The following KDM4C variants were observed in gnomAD, a reference collection of about 807,000 sequenced individuals.
KDM4C encodes the protein lysine demethylase 4C, also known as lysine-specific demethylase 4C.
In KDM4C, 81 loss-of-function variants were observed where a neutral mutation model predicts 129.3. The observed-to-expected ratio is 0.63, with a 90% confidence interval of 0.52 to 0.75. KDM4C has a LOEUF of 0.75. KDM4C is among the 30% of genes least tolerant of loss of function. KDM4C has a pLI of 0.00. For synonymous variants in KDM4C, 573 were observed against 456.1 expected (o/e 1.26, Z -3.26); for missense variants, 1,457 against 1,304.0 (o/e 1.12, Z -1.81).
In KDM4C at chr9:7,022,939, T is replaced by C. The variant is rs946093177; in HGVS notation, c.2259+7010T>C. Among the ~76,000 whole-genome samples the C allele has an allele frequency of 1.1e-4, 16 of 152,336 alleles. 1 individual carries two copies. Among genetic ancestry groups the C allele is most frequent in the Admixed American group, 9.8e-4 (15 of 15,302 alleles). On this transcript the variant is annotated intron_variant, in intron 15 of 21. Coordinates refer to ENST00000381309, the MANE Select transcript of KDM4C (RefSeq NM_015061.6). The stretch of plus-strand genomic sequence containing the variant: ...TTTGTTCTTCATTCTAATGATATGA[T>C]GTATCACATTGATTGATTTGCATAT...
chr9:6,752,174 A>T (rs1278907276), intron 1 of KDM4C, among the ~76,000 whole-genome samples: 1 of 150,486 alleles, frequency 6.6e-6, no homozygotes, highest in Non-Finnish European at 1.5e-5. Flanking sequence ...TCTACTAAAA[A>T]TACAAAAAAT....
At chr9:6,845,159 A>G (rs963005375) in intron 4 of KDM4C, among the ~76,000 whole-genome samples, 1 of 152,186 alleles carries the variant, frequency 6.6e-6, no homozygotes, top group Non-Finnish European at 1.5e-5. Context: ...GAGTGCAGTT[A>G]CTGTGGAGAG....
intron 8 of KDM4C, among the ~76,000 whole-genome samples, chr9:6,955,904 C>T (rs989567609): frequency 1.3e-5 from 2 of 152,162 alleles, no homozygotes; most frequent in Non-Finnish European, 2.9e-5. Context: ...TAAAAGAGCA[C>T]AATACAACCA....
At chr9:6,742,058 C>T (rs936115353) in intron 1 of KDM4C, among the ~76,000 whole-genome samples, 52 of 152,014 alleles carry the variant, frequency 3.4e-4, no homozygotes, top group Admixed American at 2.1e-3. Context: ...CTGCAACCTC[C>T]ACCTCCCGGG....
intron 8 of KDM4C, among the ~76,000 whole-genome samples, chr9:6,960,915 G>A (rs1829930501): frequency 6.6e-6 from 1 of 152,184 alleles, no homozygotes; most frequent in Non-Finnish European, 1.5e-5. Context: ...TCTAGTGTGG[G>A]AAACGGACAA....
At chr9:7,009,946 A>T (rs1822385568) in intron 12 of KDM4C, among the ~76,000 whole-genome samples, 1 of 152,236 alleles carries the variant, frequency 6.6e-6, no homozygotes, top group African/African-American at 2.4e-5. Flanking sequence ...ATTAAGAAAA[A>T]GATATGTCAT....
chr9:7,161,317 T>C (rs1843762228), intron 19 of KDM4C, among the ~76,000 whole-genome samples: 1 of 152,156 alleles, frequency 6.6e-6, no homozygotes. Flanking sequence ...CTGCTTCAGC[T>C]TGCCCTCTGT....
At position 6,749,835 on chromosome 9, in the gene KDM4C, A is replaced by C. The variant is rs182085650; in HGVS notation, c.49+28838A>C. On this transcript the variant is annotated intron_variant, in intron 1 of 17. Coordinates refer to the KDM4C transcript ENST00000536108. Reference sequence around the variant, plus strand: ...AACCCTGTCTGTACTGAAAATACAAAATTAGCCGGGTGTGGTGGTGCATGC... The same window carrying C: ...AACCCTGTCTGTACTGAAAATACAACATTAGCCGGGTGTGGTGGTGCATGC... Among the ~76,000 whole-genome samples the C allele has an allele frequency of 1.2e-3, 175 of 151,256 alleles. 2 individuals carry two copies. Among genetic ancestry groups the C allele is most frequent in the African/African-American group, 3.9e-3 (162 of 41,236 alleles).
At chr9:6,910,085 G>A (rs112649009) in intron 8 of KDM4C, among the ~76,000 whole-genome samples, 1 of 152,096 alleles carries the variant, frequency 6.6e-6, no homozygotes, top group African/African-American at 2.4e-5. Context: ...AATATAAAAT[G>A]TACTTGAATA....
chr9:6,940,540 T>C (rs1020273710), intron 8 of KDM4C, among the ~76,000 whole-genome samples: 1 of 152,220 alleles, frequency 6.6e-6, no homozygotes, highest in Non-Finnish European at 1.5e-5. Flanking sequence ...AATTGCTACT[T>C]GAATATTAAA....
intron 17 of KDM4C, among the ~76,000 whole-genome samples, chr9:7,090,333 G>A (rs1835652333): frequency 6.6e-6 from 1 of 152,058 alleles, no homozygotes. Flanking sequence ...TTGGGGTTTT[G>A]TAGAAAAAAA....
rs113658415 is a variant in KDM4C, at chr9:6,824,310, A to G, written c.435+9565A>G. 6.6e-3 allele frequency among the ~76,000 whole-genome samples: 1,008 copies of G among 152,282 alleles called. 11 individuals carry two copies. The highest frequency in any genetic ancestry group is 0.022 in the African/African-American group (919 of 41,544). On this transcript the variant is annotated intron_variant, in intron 4 of 21. Transcript: ENST00000381309. ...GCTCCAGTCTCTAGCATAGGGTCTG[A>G]TGAGTGCATGGCATTGGAAAAATAG...
intron 2 of KDM4C, among the ~76,000 whole-genome samples, chr9:6,798,644 C>T (rs375902749): frequency 7.6e-4 from 115 of 152,170 alleles, no homozygotes; most frequent in African/African-American, 2.0e-3. Context: ...TACTTCTTTC[C>T]ACACAGACAC....
At chr9:6,912,507 A>G (rs1819509590) in intron 8 of KDM4C, among the ~76,000 whole-genome samples, 2 of 152,218 alleles carry the variant, frequency 1.3e-5, no homozygotes, top group South Asian at 4.1e-4. Context: ...CCTCTGCCAA[A>G]CACAGTGGAT....
At chr9:6,848,866 A>C (rs757318381) in intron 4 of KDM4C, among the ~76,000 whole-genome samples, 1 of 152,124 alleles carries the variant, frequency 6.6e-6, no homozygotes, top group Non-Finnish European at 1.5e-5. Flanking sequence ...ATGTGTTTAA[A>C]TTTTTCCATT....
intron 19 of KDM4C, among the ~76,000 whole-genome samples, chr9:7,162,347 C>G (rs957982609): frequency 5.9e-5 from 9 of 152,116 alleles, no homozygotes; most frequent in Non-Finnish European, 1.0e-4. Flanking sequence ...CATTAGGATA[C>G]AGAGCAACGT....
At chr9:7,039,874 C>T (rs1298875741) in intron 15 of KDM4C, among the ~76,000 whole-genome samples, 2 of 152,036 alleles carry the variant, frequency 1.3e-5, no homozygotes, top group African/African-American at 4.8e-5. Context: ...CCATGCAGTT[C>T]AAGCTTACAT....
intron 8 of KDM4C, among the ~76,000 whole-genome samples, chr9:6,980,577 C>T (rs943446611): frequency 2.6e-5 from 4 of 152,166 alleles, no homozygotes; most frequent in Non-Finnish European, 5.9e-5. Context: ...TTCAGCTTTA[C>T]AGACCTTTTA....
rs142111679 is a variant in KDM4C at position 6,724,126 on chromosome 9, T to C, written c.49+3129T>C. 81 of 152,270 alleles carry C rather than the reference T, an allele frequency of 5.3e-4. 1 individual carries two copies. Among genetic ancestry groups the C allele is most frequent in the African/African-American group, 1.8e-3 (74 of 41,554 alleles). The allele number at this position is 152,270 out of a possible 1,614,324, so 9.4% of individuals were successfully genotyped here. ...AAGTAGCTAGAAGAAAGAGGAGTGC[T>C]TAAGGAAACTATCCAGCAGGCTATT... On this transcript the variant is annotated intron_variant, in intron 1 of 17. Coordinates refer to the KDM4C transcript ENST00000536108.
Sources: allele counts gnomAD v4.1 joint callset (sites outside exome capture counted in the v4.1 genomes callset), GRCh38; gene constraint gnomAD v4.1.1; transcripts MANE v1.5; gene names NCBI Gene and HGNC (gene_info 2026-07-23, HGNC 2026-07-21).